ZNF532: variants seen among roughly 807,000 people sequenced by gnomAD.
ZNF532 encodes the protein zinc finger protein 532.
A neutral mutation model predicts 89.3 loss-of-function variants in ZNF532; 22 were observed. The ratio of observed to expected loss-of-function variants is 0.25; its 90% CI spans 0.18 to 0.35. The LOEUF (loss-of-function observed/expected upper bound fraction) is 0.35. Ranked by LOEUF, ZNF532 falls within the 10% of genes least tolerant of loss-of-function variation. The pLI, the probability that ZNF532 is intolerant of heterozygous loss-of-function variation, is 1.00. For missense variants in ZNF532, 1,132 were observed against 1,643.4 expected (o/e 0.69, Z 5.38); for synonymous variants, 606 against 649.6 (o/e 0.93, Z 1.02).
chr18:58,915,111 A>G (rs1253462065), intron 2 of ZNF532, among the ~76,000 whole-genome samples: 1 of 152,232 alleles, frequency 6.6e-6, no homozygotes, highest in African/African-American at 2.4e-5. Context: ...TATGAAAAAC[A>G]TTCCTATAAA....
intron 7 of ZNF532, among the ~76,000 whole-genome samples, chr18:58,961,983 T>A (rs1206529532): frequency 6.6e-6 from 1 of 152,080 alleles, no homozygotes; most frequent in East Asian, 1.9e-4. Flanking sequence ...CCAGCACTTT[T>A]GGGAGTCCGA....
chr18:58,974,216 C>G (rs991254779), intron 7 of ZNF532, among the ~76,000 whole-genome samples: 1 of 152,106 alleles, frequency 6.6e-6, no homozygotes, highest in Non-Finnish European at 1.5e-5. Flanking sequence ...GAAGTCTTAA[C>G]TCCTAAGTTT....
intron 7 of ZNF532, among the ~76,000 whole-genome samples, chr18:58,964,798 G>A (rs1029139416): frequency 6.6e-6 from 1 of 151,670 alleles, no homozygotes; most frequent in Non-Finnish European, 1.5e-5. Flanking sequence ...GGGGTAGAGG[G>A]AGTTGTCTTT....
intron 7 of ZNF532, among the ~76,000 whole-genome samples, chr18:58,971,508 A>G (rs1264522796): frequency 1.3e-5 from 2 of 152,184 alleles, no homozygotes; most frequent in Non-Finnish European, 2.9e-5. Flanking sequence ...ATTATCGTCT[A>G]TTCTTGGTTT....
At chr18:58,948,993 G>A (rs1475997788) in intron 6 of ZNF532, among the ~76,000 whole-genome samples, 1 of 151,420 alleles carries the variant, frequency 6.6e-6, no homozygotes, top group African/African-American at 2.4e-5. Context: ...AAGCAGTTAG[G>A]TTTGCATTGT....
intron 6 of ZNF532, 47 bp downstream of exon 6, chr18:58,948,276 C>T: frequency 6.5e-7 from 1 of 1,544,286 alleles, no homozygotes. Context: ...CAGATCCATT[C>T]ATTGGTCATA....
At chr18:58,980,957 C>T (rs1211591872) in intron 8 of ZNF532, 1 of 155,304 alleles carries the variant, frequency 6.4e-6, no homozygotes, top group African/African-American at 2.4e-5. Context: ...GTTTTCTAAA[C>T]TATCTTTGGC....
At chr18:58,953,904 C>A (rs1233545810) in intron 7 of ZNF532, 105 bp downstream of exon 7, 4 of 1,479,728 alleles carry the variant, frequency 2.7e-6, no homozygotes. Context: ...GTAATTAGTG[C>A]TGTGACCTTA....
At chr18:58,894,746 G>A (rs760110729) in intron 2 of ZNF532, among the ~76,000 whole-genome samples, 3 of 152,058 alleles carry the variant, frequency 2.0e-5, no homozygotes, top group African/African-American at 4.8e-5. Flanking sequence ...GGCATTTTAC[G>A]AACAAACTAC....
intron 3 of ZNF532, among the ~76,000 whole-genome samples, chr18:58,921,022 T>G (rs1377610829): frequency 6.6e-6 from 1 of 151,748 alleles, no homozygotes; most frequent in East Asian, 1.9e-4. Flanking sequence ...CCCAGGAGTT[T>G]GAAGCTGCAG....
intron 2 of ZNF532, among the ~76,000 whole-genome samples, chr18:58,893,668 A>AG (rs991916997): frequency 3.3e-5 from 5 of 151,830 alleles, no homozygotes; most frequent in African/African-American, 1.2e-4. Context: ...AAAAAAAAAA[A>AG]AAAGAAAGAA....
chr18:58,867,840 A>G (rs1335854090), intron 2 of ZNF532, among the ~76,000 whole-genome samples: 2 of 152,096 alleles, frequency 1.3e-5, no homozygotes, highest in Non-Finnish European at 2.9e-5. Flanking sequence ...TGGAACTCTC[A>G]GCGCAACCTG....
intron 7 of ZNF532, among the ~76,000 whole-genome samples, chr18:58,966,422 A>G (rs959527472): frequency 6.6e-6 from 1 of 152,158 alleles, no homozygotes; most frequent in African/African-American, 2.4e-5. Context: ...TGTTTTAGCA[A>G]ACCTGTTTAT....
At chr18:58,970,417 T>G (rs532957254) in intron 7 of ZNF532, among the ~76,000 whole-genome samples, 5 of 152,302 alleles carry the variant, frequency 3.3e-5, no homozygotes, top group African/African-American at 9.6e-5. Context: ...GATGGACATC[T>G]TGGGAACCAG....
chr18:58,957,877 C>G (rs1178722690), intron 7 of ZNF532, among the ~76,000 whole-genome samples: 1 of 151,980 alleles, frequency 6.6e-6, no homozygotes, highest in Non-Finnish European at 1.5e-5. Context: ...CCCCCCTGGC[C>G]AACATGACGA....
chr18:58,971,754 A>G (rs1322842881), intron 7 of ZNF532, among the ~76,000 whole-genome samples: 1 of 152,178 alleles, frequency 6.6e-6, no homozygotes, highest in African/African-American at 2.4e-5. Flanking sequence ...CAACCTTTAT[A>G]TTGGAAAGAC....
chr18:58,969,800 A>G (rs80107976), intron 7 of ZNF532, among the ~76,000 whole-genome samples: 5,542 of 151,926 alleles, frequency 0.036, 104 homozygotes, highest in East Asian at 0.059. Context: ...TGATTTGTGG[A>G]AATAAATACT....
rs756866015 is a variant in ZNF532, at chr18:58,953,711, C to T, written c.3062C>T (p.Ala1021Val). 2 of 1,614,024 alleles carry T rather than the reference C, an allele frequency of 1.2e-6. No individual in the cohort carries two copies. The highest frequency in any genetic ancestry group is 1.7e-6 in the Non-Finnish European group (2 of 1,179,926). ...VKKSMETKKV[A>V]SPGWTCWECD... is the part of the protein sequence containing the mutation. The stretch of plus-strand genomic sequence containing the variant: ...AAATCAATGGAAACCAAGAAAGTGG[C>T]CAGTCCTGGGTGGACGTGTTGGGAG... The change falls in exon 7 of 10, where the codon GCC becomes GTC. Residue 1021 changes from alanine to valine, a missense_variant. By Grantham distance (64) the Ala-to-Val change is moderately conservative. Around this residue, in one of 9 missense-constraint regions of ZNF532, gnomAD observed 415 missense variants for 604.8 expected, o/e 0.69. Coordinates refer to ENST00000591808, the MANE Select transcript of ZNF532 (RefSeq NM_001375912.1).
At position 58,919,590 on chromosome 18, in the gene ZNF532, C is replaced by T; in HGVS notation, c.1303C>T (p.Pro435Ser). Residue 435 changes from proline (P) to serine (S), a missense_variant, in exon 3 of 10, where the codon CCT (proline) becomes TCT (serine). Around this residue, in one of 9 missense-constraint regions of ZNF532, gnomAD observed 124 missense variants for 191.6 expected, o/e 0.65. Coordinates refer to ENST00000591808, the MANE Select transcript of ZNF532 (RefSeq NM_001375912.1). This position sits in a 1 kb window ranked among gnomAD's most constrained non-coding sequence, Gnocchi z 6.1. ...TGCGGTCGTGACCAATGCAGTTTCC[C>T]CTGCAGAGCTCACCCCCAAACAGGT... ...QSAVVTNAVSPAELTPKQVTI... is the reference protein window; with the variant it reads ...QSAVVTNAVSSAELTPKQVTI... 6.2e-7 allele frequency: 1 copy of T among 1,614,160 alleles called. No individual in the cohort carries two copies. Among genetic ancestry groups the T allele is most frequent in the South Asian group, 1.1e-5 (1 of 91,074 alleles).
Sources: gnomAD v4.1 joint callset for allele counts (sites outside exome capture counted in the v4.1 genomes callset) on GRCh38, gnomAD v4.1.1 for gene constraint, gnomAD v4.1.1 regional missense constraint, Gnocchi (gnomAD v3.1) non-coding constraint, MANE v1.5 for transcripts, NCBI Gene and HGNC (gene_info 2026-07-23, HGNC 2026-07-21) for gene names.